The following CEP97 variants were observed in gnomAD, a reference collection of about 807,000 sequenced individuals.
The protein encoded by CEP97 is centrosomal protein of 97 kDa.
A neutral mutation model predicts 73.1 loss-of-function variants in CEP97; 43 were observed. The observed-to-expected ratio is 0.59, with a 90% CI of 0.46 to 0.76. The LOEUF is 0.76. CEP97 is among the 30% of genes least tolerant of loss of function. The pLI is 0.00. For missense variants in CEP97, 939 were observed against 1,014.0 expected (o/e 0.93, Z 1.00); for synonymous variants, 337 against 370.0 (o/e 0.91, Z 1.02).
At chr3:101,738,112 A>G (rs907776007) in intron 6 of CEP97, among the ~76,000 whole-genome samples, 31 of 152,140 alleles carry the variant, frequency 2.0e-4, no homozygotes, top group Non-Finnish European at 1.0e-4. Context: ...AGGGCATTAC[A>G]TAATGGTAAA....
intron 6 of CEP97, among the ~76,000 whole-genome samples, chr3:101,738,207 TG>T (rs932069285): frequency 4.6e-5 from 7 of 152,220 alleles, no homozygotes; most frequent in Admixed American, 1.3e-4. Flanking sequence ...AGCAAGTTCT[TG>T]GAGACTTACA....
Position 101,758,093 on chromosome 3 carries a change from A to G in CEP97, c.1487A>G (p.Asp496Gly). Reference sequence around the variant, plus strand: ...ACAATAATCAGTGCTATCTTGAAGGATGATAACCACAGTCTTACATTTTTT... The same window carrying G: ...ACAATAATCAGTGCTATCTTGAAGGGTGATAACCACAGTCTTACATTTTTT... ...EPTIISAILK[D>G]DNHSLTFFPE... Residue 496 changes from aspartate to glycine, a missense_variant, in exon 9 of 11, where the codon GAT becomes GGT. Asp to Gly is a moderately conservative substitution (Grantham distance 94). Transcript: ENST00000341893. The G allele has an allele frequency of 6.2e-7, 1 of 1,614,234 alleles. No homozygotes were observed. Among genetic ancestry groups the G allele is most frequent in the Non-Finnish European group, 8.5e-7 (1 of 1,180,050 alleles).
At chr3:101,733,911 C>T (rs1938197058) in intron 6 of CEP97, among the ~76,000 whole-genome samples, 1 of 152,128 alleles carries the variant, frequency 6.6e-6, no homozygotes. Flanking sequence ...ATCACAACCT[C>T]CACCTCCTGG....
intron 6 of CEP97, among the ~76,000 whole-genome samples, chr3:101,745,591 A>T (rs1454567943): frequency 4.6e-5 from 7 of 150,836 alleles, no homozygotes; most frequent in Non-Finnish European, 8.9e-5. Flanking sequence ...TTTTAAAGGG[A>T]TATTTCAAAT....
At chr3:101,761,582 A>G (rs183325795) in intron 9 of CEP97, among the ~76,000 whole-genome samples, 1 of 152,294 alleles carries the variant, frequency 6.6e-6, no homozygotes, top group Admixed American at 6.5e-5. Context: ...ATTTGAAAAC[A>G]ATAGTGAGAA....
At chr3:101,733,279 AGG>A (rs1938170764) in intron 6 of CEP97, among the ~76,000 whole-genome samples, 1 of 152,148 alleles carries the variant, frequency 6.6e-6, no homozygotes, top group African/African-American at 2.4e-5. Flanking sequence ...GATCCTGTGT[AGG>A]ATCTCAGATC....
At chr3:101,742,835 G>A (rs1313332077) in intron 6 of CEP97, among the ~76,000 whole-genome samples, 2 of 151,458 alleles carry the variant, frequency 1.3e-5, no homozygotes, top group Non-Finnish European at 2.9e-5. Context: ...AGTACAGAGC[G>A]AGACTCCATC....
intron 6 of CEP97, 31 bp from the exon 7 acceptor site, chr3:101,755,399 A>G (rs1335922260): frequency 5.6e-6 from 9 of 1,604,822 alleles, no homozygotes; most frequent in East Asian, 2.2e-5. Flanking sequence ...TTCTCATGCC[A>G]TCTCCTCTTT....
At chr3:101,748,761 C>G (rs1257677731) in intron 6 of CEP97, among the ~76,000 whole-genome samples, 1 of 152,180 alleles carries the variant, frequency 6.6e-6, no homozygotes, top group Admixed American at 6.5e-5. Context: ...CTGCCTCAGT[C>G]TCCCGAGTAG....
intron 9 of CEP97, 91 bp downstream of exon 9, chr3:101,758,514 A>AT: frequency 6.8e-7 from 1 of 1,467,054 alleles, no homozygotes; most frequent in South Asian, 1.2e-5. Flanking sequence ...TTCTGTGATT[A>AT]TAACACTTTT....
In CEP97 at chr3:101,769,533, C is replaced by G. The variant is rs930331696; in HGVS notation, c.*3982C>G. ...GTTTCACCATGTTGGCCAGGCTGGT[C>G]TCGAACTCCTGACCTCAAGTGATCC... On this transcript the variant is annotated 3_prime_UTR_variant, in exon 11 of 11. Transcript: ENST00000341893. 8.6e-5 allele frequency: 13 copies of G among 151,986 alleles called. No homozygotes were observed. Among genetic ancestry groups the G allele is most frequent in the Non-Finnish European group, 1.6e-4 (11 of 68,044 alleles). 9.4% of individuals were successfully genotyped at this position (151,986 alleles called of 1,614,324 possible). A position where few individuals can be genotyped will look rare whatever the true frequency, so the allele number is the denominator to read the frequency against.
chr3:101,751,006 G>A (rs975331070), intron 6 of CEP97, among the ~76,000 whole-genome samples: 1 of 152,080 alleles, frequency 6.6e-6, no homozygotes. Context: ...TGTGATGTTA[G>A]GGTGTCAATT....
At chr3:101,738,062 A>G (rs575517663) in intron 6 of CEP97, among the ~76,000 whole-genome samples, 1 of 151,812 alleles carries the variant, frequency 6.6e-6, no homozygotes, top group Non-Finnish European at 1.5e-5. Flanking sequence ...AGTCTCTGAT[A>G]AAACAGACTT....
intron 6 of CEP97, among the ~76,000 whole-genome samples, chr3:101,745,378 A>G (rs1938581015): frequency 6.6e-6 from 1 of 152,148 alleles, no homozygotes; most frequent in African/African-American, 2.4e-5. Flanking sequence ...CTTCTGCTTC[A>G]GCCTCCTGAG....
intron 3 of CEP97, 91 bp downstream of exon 3, chr3:101,727,632 C>T: frequency 2.0e-6 from 2 of 1,012,798 alleles, no homozygotes; most frequent in Non-Finnish European, 2.9e-6. Context: ...GTGAAAGTAC[C>T]CACTCCCACT....
rs528749785 is a variant in CEP97 at position 101,767,179 on chromosome 3, C to T, written c.*1628C>T. On this transcript the variant is annotated 3_prime_UTR_variant, in exon 11 of 11. Coordinates refer to ENST00000341893, the MANE Select transcript of CEP97 (RefSeq NM_024548.4). ...TAAATACGTAGCACTCAGGTTGAGA[C>T]GACTTGGATTTTATTCTTAGAAATC... 19 of 152,214 alleles carry T rather than the reference C, an allele frequency of 1.2e-4. No homozygotes were observed. Among genetic ancestry groups the T allele is most frequent in the South Asian group, 2.1e-4 (1 of 4,826 alleles). 9.4% of individuals were successfully genotyped at this position (152,214 alleles called of 1,614,324 possible). A position where few individuals can be genotyped will look rare whatever the true frequency, so the allele number is the denominator to read the frequency against.
chr3:101,761,145 G>A (rs1313557314), intron 9 of CEP97, among the ~76,000 whole-genome samples: 1 of 152,182 alleles, frequency 6.6e-6, no homozygotes, highest in Non-Finnish European at 1.5e-5. Context: ...GGGATTACAG[G>A]TGTGAGCCAC....
chr3:101,755,357 G>A, intron 6 of CEP97, 73 bp from the exon 7 acceptor site: 1 of 1,286,092 alleles, frequency 7.8e-7, no homozygotes. Context: ...TAACAAGGAA[G>A]ATCATTGTTG....
intron 6 of CEP97, among the ~76,000 whole-genome samples, chr3:101,745,889 A>G (rs545489965): frequency 1.8e-4 from 27 of 152,134 alleles, no homozygotes; most frequent in South Asian, 4.2e-4. Flanking sequence ...ATATCTCCCA[A>G]TGCTATCCCT....
Sources: gnomAD v4.1 joint callset for allele counts (sites outside exome capture counted in the v4.1 genomes callset) on GRCh38, gnomAD v4.1.1 for gene constraint, MANE v1.5 for transcripts, NCBI Gene and HGNC (gene_info 2026-07-23, HGNC 2026-07-21) for gene names.